The following ZNF394 variants were observed in gnomAD, a reference collection of about 807,000 sequenced individuals.
ZNF394 encodes zinc finger protein 99.
A neutral mutation model predicts 21.8 loss-of-function variants in ZNF394; 19 were observed. That is an observed-to-expected ratio of 0.87 (90% CI 0.61 to 1.28). The LOEUF (loss-of-function observed/expected upper bound fraction) is 1.28, where lower values mean the gene tolerates loss of function less well. Among genes scored for constraint, ZNF394 ranks in the 50% most tolerant of loss-of-function variants. The pLI, the probability that ZNF394 is intolerant of heterozygous loss-of-function variation, is 0.00. For missense variants in ZNF394, 683 were observed against 708.6 expected, an observed-to-expected ratio of 0.96 and a Z score of 0.41; for synonymous variants, 294 against 273.3, an observed-to-expected ratio of 1.08 and a Z score of -0.75.
In ZNF394 at chr7:99,494,336, G is replaced by A; in HGVS notation, c.879C>T (p.Ser293=). ...GGATGTGCTGACATAGAACAAGGTTGGAACACCTGGCACTGTTCTGCAATT... is the reference window on the plus strand; with the variant it reads ...GGATGTGCTGACATAGAACAAGGTTAGAACACCTGGCACTGTTCTGCAATT... ...NNELQNSARC[S]NLVLCQHIPK... is the part of the protein sequence containing the mutation. The change falls in exon 3 of 3, where the codon TCC becomes TCT. Residue 293 remains serine (S), a synonymous_variant. Transcript: ENST00000337673. 1 of 1,614,178 alleles carries A rather than the reference G, an allele frequency of 6.2e-7. No homozygotes were observed. Among genetic ancestry groups the A allele is most frequent in the African/African-American group, 1.3e-5 (1 of 75,046 alleles).
At chr7:99,498,694 C>CCAG (rs1562895375) in intron 2 of ZNF394, 22 bp downstream of exon 2, 5 of 1,613,658 alleles carry the variant, frequency 3.1e-6, no homozygotes, top group Non-Finnish European at 4.2e-6. Context: ...CCGCAATAAA[C>CCAG]CAGCAGAGCA....
chr7:99,491,376 TATC>T (rs1364217730), downstream of ZNF394, among the ~76,000 whole-genome samples: 1 of 152,190 alleles, frequency 6.6e-6, no homozygotes, highest in African/African-American at 2.4e-5. Flanking sequence ...CATCTTTTCT[TATC>T]ATATTTGGTC....
Position 99,499,888 on chromosome 7 carries a change from T to C in ZNF394, c.206A>G (p.Gln69Arg). 6.2e-7 allele frequency: 1 copy of C among 1,614,174 alleles called. No individual in the cohort carries two copies. Among genetic ancestry groups the C allele is most frequent in the Non-Finnish European group, 8.5e-7 (1 of 1,180,030 alleles). Residue 69 changes from glutamine to arginine, a missense_variant, in exon 1 of 3, where the codon CAG becomes CGG. This residue lies in a region of ZNF394 where 402 missense variants were observed against 373.8 expected (regional missense o/e 1.08). Transcript: ENST00000337673. ...TCCAGCCACCTCCTGGTAACGCAGC[T>C]GCCTAAAGTGCAGTCGAGAAGTTTC... The part of the protein sequence containing the change: ...DPETSRLHFR[Q>R]LRYQEVAGPE...
In ZNF394 at chr7:99,500,245, T is replaced by G; in HGVS notation, c.-152A>C. On this transcript the variant is annotated 5_prime_UTR_variant, in exon 1 of 3. Transcript: ENST00000337673. ...TCTCCACACTCTCCTTTCCTCAGCT[T>G]TGCGCCTACAACTCTCTCGGTCAAA... 1.5e-6 allele frequency: 1 copy of G among 673,186 alleles called. No homozygotes were observed. The highest frequency in any genetic ancestry group is 2.3e-6 in the Non-Finnish European group (1 of 433,908). 41.7% of individuals were successfully genotyped at this position (673,186 alleles called of 1,614,324 possible). A position where few individuals can be genotyped will look rare whatever the true frequency, so the allele number is the denominator to read the frequency against.
rs201390152 is a variant in ZNF394 at position 99,494,106 on chromosome 7, C to T, written c.1109G>A (p.Arg370His). 4 of 1,614,196 alleles carry T rather than the reference C, an allele frequency of 2.5e-6. No homozygotes were observed. The highest frequency in any genetic ancestry group is 2.2e-5 in the East Asian group (1 of 44,886). Residue 370 changes from arginine to histidine, a missense_variant, in exon 3 of 3, where the codon CGC becomes CAC. Arg to His is a conservative substitution (Grantham distance 29). This residue lies in a region of ZNF394 where 274 missense variants were observed against 314.1 expected (regional missense o/e 0.87). Transcript: ENST00000337673. ...TCTCTGGTGTCTAAAGAGGTCAGAG[C>T]GTTGTTTGAAACTCTTCCCACAGTT... ...CGNCGKSFKQ[R>H]SDLFRHQRIH...
chr7:99,487,510 T>C (rs764588384), intron 1 of ZNF394: 10 of 1,593,898 alleles, frequency 6.3e-6, no homozygotes, highest in Non-Finnish European at 7.7e-6. Context: ...AAGCAGTCAT[T>C]GGAGAACTAG....
downstream of ZNF394, among the ~76,000 whole-genome samples, chr7:99,490,146 CTTTTTT>C (rs943034221): frequency 1.3e-4 from 12 of 89,234 alleles, no homozygotes; most frequent in African/African-American, 4.5e-4. Flanking sequence ...AAAACCTCAT[CTTTTTT>C]TTTTTTTTTT....
At chr7:99,498,545 TA>T in intron 2 of ZNF394, 170 bp downstream of exon 2, 1 of 821,544 alleles carries the variant, frequency 1.2e-6, no homozygotes. Flanking sequence ...TGAACCAAAG[TA>T]AAAAGCTGAA....
At chr7:99,492,245 T>C (rs1315821815), downstream of ZNF394, among the ~76,000 whole-genome samples, 8 of 152,154 alleles carry the variant, frequency 5.3e-5, no homozygotes, top group Non-Finnish European at 1.2e-4. Context: ...TATGAAGTAG[T>C]TGAAACCCTC....
intron 2 of ZNF394, among the ~76,000 whole-genome samples, chr7:99,495,909 A>G (rs1800292271): frequency 6.6e-6 from 1 of 151,716 alleles, no homozygotes; most frequent in South Asian, 2.1e-4. Context: ...GGCATGAGCC[A>G]CTGCACCCAG....
Position 99,486,963 on chromosome 7 carries a change from C to A in ZNF394, n.84G>T. 3.7e-6 allele frequency: 6 copies of A among 1,614,150 alleles called. No individual in the cohort carries two copies. The highest frequency in any genetic ancestry group is 5.1e-6 in the Non-Finnish European group (6 of 1,180,048). The stretch of plus-strand genomic sequence containing the variant: ...CTCTTACGGTCCATAAACAGTGTCA[C>A]CTGCAAAACAAGCCATACAGATGTC... On this transcript the variant is annotated splice_region_variant and non_coding_transcript_exon_variant, in exon 2 of 2. Coordinates refer to the ZNF394 transcript ENST00000462024.
In ZNF394 at chr7:99,494,638, C is replaced by T. The variant is rs372665866; in HGVS notation, c.584-7G>A. 194 of 1,562,930 alleles carry T rather than the reference C, an allele frequency of 1.2e-4. No homozygotes were observed. In the Admixed American group the frequency reaches 3.1e-3, roughly 25 times the overall value. ...TCCACTCTGCTTTCCAAACCTGAAACGTGAAAATACAAATTCCTGCCAGTG... is the reference window on the plus strand; with the variant it reads ...TCCACTCTGCTTTCCAAACCTGAAATGTGAAAATACAAATTCCTGCCAGTG... On this transcript the variant is annotated splice_polypyrimidine_tract_variant and splice_region_variant and intron_variant, in intron 2 of 2. Coordinates refer to ENST00000337673, the MANE Select transcript of ZNF394 (RefSeq NM_032164.4).
chr7:99,496,226 G>A (rs1179339359), intron 2 of ZNF394, among the ~76,000 whole-genome samples: 1 of 151,908 alleles, frequency 6.6e-6, no homozygotes, highest in African/African-American at 2.4e-5. Flanking sequence ...ATGTTGGCCA[G>A]GCTGGTCTCG....
chr7:99,487,801 G>A (rs113807585), intron 1 of ZNF394, among the ~76,000 whole-genome samples: 12,759 of 151,452 alleles, frequency 0.084, 858 homozygotes, highest in African/African-American at 0.19. Context: ...GGCTGGGCGC[G>A]GTGGCTCACG....
At chr7:99,489,023 G>A (rs562504954), downstream of ZNF394, among the ~76,000 whole-genome samples, 6 of 149,232 alleles carry the variant, frequency 4.0e-5, no homozygotes, top group East Asian at 2.0e-4. Context: ...AGTGGCTCAC[G>A]CCTGTAATCC....
exon 2 of ZNF394, chr7:99,486,937 GCT>G (rs746257159): frequency 6.2e-7 from 1 of 1,614,170 alleles, no homozygotes; most frequent in Admixed American, 1.7e-5. Flanking sequence ...ACAGCGGTCA[GCT>G]CTTACGGTCC....
chr7:99,493,423 A>G lies in ZNF394; in HGVS notation c.*106T>C. The G allele has an allele frequency of 2.6e-6, 3 of 1,140,900 alleles. No individual in the cohort carries two copies. The highest frequency in any genetic ancestry group is 3.0e-4 in the Middle Eastern group (1 of 3,302). 70.7% of individuals were successfully genotyped at this position (1,140,900 alleles called of 1,614,324 possible). A position where few individuals can be genotyped will look rare whatever the true frequency, so the allele number is the denominator to read the frequency against. On this transcript the variant is annotated 3_prime_UTR_variant, in exon 3 of 3. Coordinates refer to ENST00000337673, the MANE Select transcript of ZNF394 (RefSeq NM_032164.4). ...AGGCATGCACCACCATGCCCGGCTCATTTTTGTATTTTTAGTAGAGACAGG... is the reference window on the plus strand; with the variant it reads ...AGGCATGCACCACCATGCCCGGCTCGTTTTTGTATTTTTAGTAGAGACAGG...
Position 99,500,209 on chromosome 7 carries a change from C to A in ZNF394, c.-116G>T. 1.0e-6 allele frequency: 1 copy of A among 960,016 alleles called. No homozygotes were observed. Among genetic ancestry groups the A allele is most frequent in the Non-Finnish European group, 1.5e-6 (1 of 667,684 alleles). 59.5% of individuals were successfully genotyped at this position (960,016 alleles called of 1,614,324 possible). A position where few individuals can be genotyped will look rare whatever the true frequency, so the allele number is the denominator to read the frequency against. On this transcript the variant is annotated 5_prime_UTR_variant, in exon 1 of 3. Coordinates refer to ENST00000337673, the MANE Select transcript of ZNF394 (RefSeq NM_032164.4). ...CGGTCCCAAACACCGGGCCCCACCACACCAGGCCCCTCTCCACACTCTCCT... is the reference window on the plus strand; with the variant it reads ...CGGTCCCAAACACCGGGCCCCACCAAACCAGGCCCCTCTCCACACTCTCCT...
intron 2 of ZNF394, among the ~76,000 whole-genome samples, chr7:99,496,136 TTAGTAGGTATTA>T (rs1415211630): frequency 6.6e-6 from 1 of 152,020 alleles, no homozygotes; most frequent in Admixed American, 6.6e-5. Context: ...AGTAGGTATT[TTAGTAGGTATTA>T]TAGTAGGTAT....
Sources: allele counts gnomAD v4.1 joint callset (sites outside exome capture counted in the v4.1 genomes callset), GRCh38; gene constraint gnomAD v4.1.1; regional missense constraint gnomAD v4.1.1; transcripts MANE v1.5; gene names NCBI Gene and HGNC (gene_info 2026-07-23, HGNC 2026-07-21).